The following KPNA1 variants were observed in gnomAD, a reference collection of about 807,000 sequenced individuals.
The protein encoded by KPNA1 is karyopherin subunit alpha 1.
Under a neutral mutation model 70.5 loss-of-function variants are expected in KPNA1, and 10 were observed. That is an observed-to-expected ratio of 0.14 (90% confidence interval 0.09 to 0.24). The LOEUF is 0.24. Among genes scored for constraint, KPNA1 ranks in the 10% least tolerant of loss-of-function variants. The pLI, the probability that KPNA1 is intolerant of heterozygous loss-of-function variation, is 1.00. For synonymous variants in KPNA1, 192 were observed against 221.9 expected (o/e 0.87, Z 1.20); for missense variants, 397 against 637.9 (o/e 0.62, Z 4.07).
rs148586552 is a variant in KPNA1 at position 122,482,771 on chromosome 3, T to G, written c.129+13666A>C. 5.6e-3 allele frequency among the ~76,000 whole-genome samples: 855 copies of G among 151,996 alleles called. 9 individuals carry two copies. The highest frequency in any genetic ancestry group is 5.5e-3 in the Non-Finnish European group (376 of 67,938). ...TAAAAATGAAATACTTAGGGAAAAA[T>G]CTGACAAAAGATAAAAATCTGTAAG... On this transcript the variant is annotated intron_variant, in intron 2 of 13. Transcript: ENST00000344337.
chr3:122,508,214 A>G (rs901310652), intron 1 of KPNA1, among the ~76,000 whole-genome samples: 13 of 152,234 alleles, frequency 8.5e-5, no homozygotes, highest in Admixed American at 8.5e-4. Flanking sequence ...CAAAACCTAA[A>G]AGAAGCCATA....
intron 1 of KPNA1, among the ~76,000 whole-genome samples, chr3:122,513,662 G>A (rs2076981266): frequency 1.3e-5 from 2 of 151,936 alleles, no homozygotes; most frequent in African/African-American, 2.4e-5. Context: ...AACAAAACAG[G>A]AGGGGGGAAA....
At chr3:122,464,339 C>G (rs943969635) in intron 3 of KPNA1, 2 of 243,320 alleles carry the variant, frequency 8.2e-6, no homozygotes, top group Admixed American at 1.1e-4. Context: ...TCTTTCTTAT[C>G]AAAATTAAAT....
In KPNA1 at chr3:122,462,824, G is replaced by A. The variant is rs564054995; in HGVS notation, c.337+1118C>T. On this transcript the variant is annotated intron_variant, in intron 4 of 13. Coordinates refer to ENST00000344337, the MANE Select transcript of KPNA1 (RefSeq NM_002264.4). Reference sequence around the variant, plus strand: ...AAACAACCATAACTTAATACTGGGGGGTTTAAGTATTTACTACCAACGTTA... The same window carrying A: ...AAACAACCATAACTTAATACTGGGGAGTTTAAGTATTTACTACCAACGTTA... 4.6e-5 allele frequency among the ~76,000 whole-genome samples: 7 copies of A among 152,032 alleles called. No individual in the cohort carries two copies. The East Asian group carries it at 9.7e-4, about 21-fold the overall frequency.
chr3:122,504,440 T>G (rs1355353086), intron 1 of KPNA1, among the ~76,000 whole-genome samples: 2 of 152,144 alleles, frequency 1.3e-5, no homozygotes, highest in African/African-American at 4.8e-5. Context: ...ATACTGGAGA[T>G]TGGGTTCAAC....
intron 9 of KPNA1, among the ~76,000 whole-genome samples, chr3:122,445,919 C>A (rs1459979005): frequency 1.3e-5 from 2 of 152,022 alleles, no homozygotes; most frequent in Non-Finnish European, 2.9e-5. Flanking sequence ...TCAAAAGAGA[C>A]AAAGAAAGCC....
At chr3:122,491,136 A>G (rs1286204902) in intron 2 of KPNA1, among the ~76,000 whole-genome samples, 1 of 152,192 alleles carries the variant, frequency 6.6e-6, no homozygotes, top group Admixed American at 6.5e-5. Context: ...CTTCTTTTTG[A>G]GGATTTCTTC....
intron 12 of KPNA1, chr3:122,433,333 CT>C (rs1301404503): frequency 4.8e-6 from 1 of 209,526 alleles, no homozygotes; most frequent in Non-Finnish European, 9.4e-6. Flanking sequence ...CAAGATATTT[CT>C]GACAAGTAGC....
chr3:122,446,686 A>G (rs2076143407), intron 9 of KPNA1, among the ~76,000 whole-genome samples: 1 of 152,164 alleles, frequency 6.6e-6, no homozygotes, highest in Non-Finnish European at 1.5e-5. Context: ...CAGAACTGAA[A>G]GAGATACAGA....
At chr3:122,468,790 TCAA>T (rs1213999610) in intron 2 of KPNA1, among the ~76,000 whole-genome samples, 9 of 151,888 alleles carry the variant, frequency 5.9e-5, no homozygotes, top group East Asian at 1.9e-4. Flanking sequence ...ATGCAAGAGA[TCAA>T]CAACAACAGA....
Position 122,454,017 on chromosome 3 carries a change from T to A in KPNA1, c.433-16A>T. The A allele has an allele frequency of 6.6e-7, 1 of 1,514,224 alleles. No individual in the cohort carries two copies. Among genetic ancestry groups the A allele is most frequent in the Non-Finnish European group, 9.0e-7 (1 of 1,116,010 alleles). 93.8% of individuals were successfully genotyped at this position (1,514,224 alleles called of 1,614,324 possible). Reference sequence around the variant, plus strand: ...CTGATTCAAACTATAAAGATAAAAATAATTTTCATTATCTTTTTAGAATGT... The same window carrying A: ...CTGATTCAAACTATAAAGATAAAAAAAATTTTCATTATCTTTTTAGAATGT... On this transcript the variant is annotated splice_polypyrimidine_tract_variant and intron_variant, in intron 5 of 13. Coordinates refer to ENST00000344337, the MANE Select transcript of KPNA1 (RefSeq NM_002264.4).
Position 122,433,674 on chromosome 3 carries a change from C to G in KPNA1, c.1237G>C (p.Ala413Pro), listed in dbSNP as rs752359638. ...ATTGGTACTTACTTGATCTGTTCAG[C>G]TGATCCTCCAGAAGTTGCATTTGTG... ...AITNATSGGS[A>P]EQIKYLVELG... The change falls in exon 12 of 14, where the codon GCT becomes CCT. Residue 413 changes from alanine to proline, a missense_variant. Coordinates refer to ENST00000344337, the MANE Select transcript of KPNA1 (RefSeq NM_002264.4). 6.2e-7 allele frequency: 1 copy of G among 1,606,392 alleles called. No individual in the cohort carries two copies. Among genetic ancestry groups the G allele is most frequent in the South Asian group, 1.1e-5 (1 of 89,080 alleles).
chr3:122,452,651 G>A (rs1427071511), intron 6 of KPNA1, among the ~76,000 whole-genome samples: 2 of 109,660 alleles, frequency 1.8e-5, no homozygotes, highest in African/African-American at 3.6e-5. Context: ...GGGAGGGAGG[G>A]AGGGAGGGAG....
chr3:122,503,252 C>G (rs2076850561), intron 1 of KPNA1, among the ~76,000 whole-genome samples: 1 of 140,458 alleles, frequency 7.1e-6, no homozygotes, highest in African/African-American at 2.5e-5. Flanking sequence ...TGGAAGCATG[C>G]ATACATATAT....
chr3:122,504,609 G>C (rs1488568374), intron 1 of KPNA1, among the ~76,000 whole-genome samples: 2 of 152,136 alleles, frequency 1.3e-5, no homozygotes, highest in Non-Finnish European at 2.9e-5. Context: ...ATTTTGCTAT[G>C]AACCCAAAAC....
chr3:122,506,838 T>G (rs947256814), intron 1 of KPNA1, among the ~76,000 whole-genome samples: 3 of 152,178 alleles, frequency 2.0e-5, no homozygotes, highest in Non-Finnish European at 2.9e-5. Flanking sequence ...ATTCTCAATA[T>G]CAAAACACTT....
At chr3:122,491,456 T>TA (rs2076696834) in intron 2 of KPNA1, among the ~76,000 whole-genome samples, 1 of 152,164 alleles carries the variant, frequency 6.6e-6, no homozygotes, top group South Asian at 2.1e-4. Flanking sequence ...AATGCAGTGA[T>TA]AAAAACTGTA....
intron 6 of KPNA1, among the ~76,000 whole-genome samples, chr3:122,453,636 A>C (rs1261150402): frequency 6.6e-6 from 1 of 152,082 alleles, no homozygotes; most frequent in Non-Finnish European, 1.5e-5. Context: ...TCTCGGGTTC[A>C]AGCAATTCTC....
chr3:122,493,390 T>C (rs1022496786), intron 2 of KPNA1, among the ~76,000 whole-genome samples: 1 of 148,722 alleles, frequency 6.7e-6, no homozygotes, highest in African/African-American at 2.5e-5. Context: ...CTCCCAGCCA[T>C]ATCTACAACA....
Sources: gnomAD v4.1 joint callset for allele counts (sites outside exome capture counted in the v4.1 genomes callset) on GRCh38, gnomAD v4.1.1 for gene constraint, MANE v1.5 for transcripts, NCBI Gene and HGNC (gene_info 2026-07-23, HGNC 2026-07-21) for gene names.